The following RTN4R variants were observed in gnomAD, a reference collection of about 807,000 sequenced individuals.
RTN4R encodes reticulon-4 receptor.
Under a neutral mutation model 27.7 loss-of-function variants are expected in RTN4R, and 4 were observed. That is an observed-to-expected ratio of 0.14 (90% CI 0.07 to 0.33). The LOEUF (loss-of-function observed/expected upper bound fraction) is 0.33, where lower values mean the gene tolerates loss of function less well. RTN4R is among the 10% of genes least tolerant of loss of function. The pLI is 1.00. For missense variants in RTN4R, 554 were observed against 671.5 expected, an observed-to-expected ratio of 0.83 and a Z score of 1.93; for synonymous variants, 290 against 305.6, an observed-to-expected ratio of 0.95 and a Z score of 0.53.
intron 1 of RTN4R, among the ~76,000 whole-genome samples, chr22:20,266,799 GA>G (rs537732339): frequency 2.6e-3 from 400 of 152,364 alleles, no homozygotes; most frequent in South Asian, 6.0e-3. Flanking sequence ...CCACACCCTG[GA>G]GGCAAAGAGA....
At chr22:20,265,992 T>C (rs1011251542) in intron 1 of RTN4R, among the ~76,000 whole-genome samples, 6 of 152,172 alleles carry the variant, frequency 3.9e-5, no homozygotes, top group African/African-American at 1.4e-4. Flanking sequence ...AGGACCCAAA[T>C]CCAGGTCACG....
chr22:20,248,929 C>T (rs1230023713), intron 1 of RTN4R, among the ~76,000 whole-genome samples: 1 of 152,170 alleles, frequency 6.6e-6, no homozygotes, highest in Non-Finnish European at 1.5e-5. Flanking sequence ...AGCCCATACA[C>T]CCCTCACTGG....
chr22:20,259,150 G>A (rs1157197787), intron 1 of RTN4R, among the ~76,000 whole-genome samples: 1 of 152,132 alleles, frequency 6.6e-6, no homozygotes, highest in Non-Finnish European at 1.5e-5. Context: ...AGGGAGGTTG[G>A]TGCCCCACCC....
intron 1 of RTN4R, among the ~76,000 whole-genome samples, chr22:20,246,354 C>T (rs897866283): frequency 1.3e-5 from 2 of 152,212 alleles, no homozygotes; most frequent in South Asian, 2.1e-4. Context: ...ATCCCCCTGA[C>T]GGGAGCAACA....
chr22:20,267,494 T>G (rs1199485964), intron 1 of RTN4R: 1 of 406,304 alleles, frequency 2.5e-6, no homozygotes, highest in African/African-American at 2.2e-5. Flanking sequence ...GGGCTGCAGA[T>G]GGCGGGCGTT....
intron 1 of RTN4R, among the ~76,000 whole-genome samples, chr22:20,266,369 C>G (rs1392709122): frequency 3.3e-5 from 5 of 152,242 alleles, no homozygotes; most frequent in Non-Finnish European, 5.9e-5. Flanking sequence ...CCTTGCCCAT[C>G]ATGCAGCATG....
chr22:20,261,118 C>G (rs1271725763), intron 1 of RTN4R, among the ~76,000 whole-genome samples: 1 of 152,204 alleles, frequency 6.6e-6, no homozygotes, highest in East Asian at 1.9e-4. Context: ...TTCTCTGTAC[C>G]CACCAGGGTT....
chr22:20,249,798 G>A (rs550296252), intron 1 of RTN4R, among the ~76,000 whole-genome samples: 1 of 152,344 alleles, frequency 6.6e-6, no homozygotes, highest in South Asian at 2.1e-4. Context: ...GATCAACCAG[G>A]CAGGCGAGCG....
At chr22:20,247,850 C>T (rs1047367196) in intron 1 of RTN4R, among the ~76,000 whole-genome samples, 1 of 152,232 alleles carries the variant, frequency 6.6e-6, no homozygotes, top group Non-Finnish European at 1.5e-5. Context: ...TAGCTAGCTA[C>T]ATGCTGTGGG....
chr22:20,242,740 G>C lies in RTN4R; in HGVS notation c.393C>G (p.Arg131=). The C allele has an allele frequency of 6.2e-7, 1 of 1,612,640 alleles. No homozygotes were observed. The highest frequency in any genetic ancestry group is 1.1e-5 in the South Asian group (1 of 91,054). ...VDPATFHGLG[R]LHTLHLDRCG... is the part of the protein sequence containing the mutation. ...AGCGGTCCAGGTGCAGCGTGTGTAGGCGGCCCAGGCCGTGGAATGTGGCAG... is the reference window on the plus strand; with the variant it reads ...AGCGGTCCAGGTGCAGCGTGTGTAGCCGGCCCAGGCCGTGGAATGTGGCAG... Residue 131 remains arginine (R), a synonymous_variant, in exon 2 of 2, where the codon CGC becomes CGG. Coordinates refer to ENST00000043402, the MANE Select transcript of RTN4R (RefSeq NM_023004.6).
intron 1 of RTN4R, 147 bp from the exon 2 acceptor site, chr22:20,243,257 G>C: frequency 1.3e-6 from 1 of 743,038 alleles, no homozygotes; most frequent in East Asian, 2.7e-5. Flanking sequence ...CCCGGGAATC[G>C]CAGTGTTGGG....
intron 1 of RTN4R, among the ~76,000 whole-genome samples, chr22:20,245,850 T>G (rs2051137555): frequency 6.6e-6 from 1 of 152,138 alleles, no homozygotes; most frequent in African/African-American, 2.4e-5. Flanking sequence ...TCCTGCCCCT[T>G]GCACACGGGG....
intron 1 of RTN4R, among the ~76,000 whole-genome samples, chr22:20,253,816 T>C (rs2051197663): frequency 6.6e-6 from 1 of 150,824 alleles, no homozygotes; most frequent in Non-Finnish European, 1.5e-5. Flanking sequence ...AAAGAGTGCC[T>C]GGAAATTAAA....
intron 1 of RTN4R, among the ~76,000 whole-genome samples, chr22:20,261,079 G>A (rs761034374): frequency 2.0e-5 from 3 of 152,186 alleles, no homozygotes; most frequent in Non-Finnish European, 4.4e-5. Context: ...AAGGACCGAT[G>A]GGGAGGAGTG....
At chr22:20,266,712 TCAACGAGCCCC>T (rs1444806179) in intron 1 of RTN4R, among the ~76,000 whole-genome samples, 1 of 152,178 alleles carries the variant, frequency 6.6e-6, no homozygotes, top group African/African-American at 2.4e-5. Flanking sequence ...TTTGCGGTAT[TCAACGAGCCCC>T]CAACACACAT....
At chr22:20,267,529 T>C in intron 1 of RTN4R, 1 of 448,772 alleles carries the variant, frequency 2.2e-6, no homozygotes, top group Non-Finnish European at 4.6e-6. Context: ...CCGCCCGCCC[T>C]GGAGGCAGCG....
At chr22:20,244,067 G>A (rs1485718209) in intron 1 of RTN4R, among the ~76,000 whole-genome samples, 1 of 152,234 alleles carries the variant, frequency 6.6e-6, no homozygotes, top group African/African-American at 2.4e-5. Flanking sequence ...CCTTTGGAAT[G>A]CTGAAGATTC....
chr22:20,243,965 C>T (rs1031818345), intron 1 of RTN4R, among the ~76,000 whole-genome samples: 22 of 152,204 alleles, frequency 1.4e-4, no homozygotes, highest in African/African-American at 2.4e-4. Flanking sequence ...TAGTCCCTCC[C>T]GGGGTGCCGC....
chr22:20,255,896 T>C lies in RTN4R; in HGVS notation c.22+12175A>G, dbSNP rs1347792218. 2.0e-5 allele frequency among the ~76,000 whole-genome samples: 3 copies of C among 152,242 alleles called. No individual in the cohort carries two copies. Among genetic ancestry groups the C allele is most frequent in the Non-Finnish European group, 4.4e-5 (3 of 68,040 alleles). On this transcript the variant is annotated intron_variant, in intron 1 of 1. Coordinates refer to ENST00000043402, the MANE Select transcript of RTN4R (RefSeq NM_023004.6). The surrounding 1 kb of genome is among the most constrained non-coding windows in gnomAD (Gnocchi z 4.8). ...CTGCTATGAGAGCCCCCAATGCGTC[T>C]CCACAACCAAACCGAGGCACGCACG...
Sources: allele counts gnomAD v4.1 joint callset (sites outside exome capture counted in the v4.1 genomes callset), GRCh38; gene constraint gnomAD v4.1.1; non-coding constraint Gnocchi (gnomAD v3.1); transcripts MANE v1.5; gene names NCBI Gene and HGNC (gene_info 2026-07-23, HGNC 2026-07-21).